Variants in NEMP1 observed in about 807,000 individuals in gnomAD.
NEMP1 encodes transmembrane protein 194.
NEMP1 carries 29 observed loss-of-function variants against 53.7 expected under a neutral mutation model. That is an observed-to-expected ratio of 0.54 (90% CI 0.40 to 0.74). The LOEUF (loss-of-function observed/expected upper bound fraction) is 0.74, where lower values mean the gene tolerates loss of function less well. Ranked by LOEUF, NEMP1 falls within the 30% of genes least tolerant of loss-of-function variation. NEMP1 has a pLI of 0.00. For synonymous variants in NEMP1, 193 were observed against 192.9 expected (o/e 1.00, Z 0.00); for missense variants, 477 against 528.6 (o/e 0.90, Z 0.96).
chr12:57,067,759 C>T (rs1413957599), intron 4 of NEMP1, among the ~76,000 whole-genome samples: 20 of 152,224 alleles, frequency 1.3e-4, no homozygotes, highest in Non-Finnish European at 2.4e-4. Context: ...TACGTAATGT[C>T]CTATTCACAT....
intron 1 of NEMP1, among the ~76,000 whole-genome samples, chr12:57,075,669 A>AC (rs1310992853): frequency 2.6e-5 from 4 of 151,412 alleles, no homozygotes; most frequent in African/African-American, 4.8e-5. Flanking sequence ...ACAAAAAAAA[A>AC]AAGAAAAAAA....
At chr12:57,066,926 C>T (rs1329710298) in intron 4 of NEMP1, among the ~76,000 whole-genome samples, 1 of 152,242 alleles carries the variant, frequency 6.6e-6, no homozygotes, top group Non-Finnish European at 1.5e-5. Flanking sequence ...CTTTTGCATT[C>T]TGCCATGATT....
chr12:57,075,981 G>A (rs1170737741), intron 1 of NEMP1, among the ~76,000 whole-genome samples: 1 of 152,160 alleles, frequency 6.6e-6, no homozygotes, highest in Non-Finnish European at 1.5e-5. Flanking sequence ...GCACACACCT[G>A]TAATCCCAGC....
At chr12:57,074,441 G>A (rs1328792841) in intron 1 of NEMP1, among the ~76,000 whole-genome samples, 2 of 152,002 alleles carry the variant, frequency 1.3e-5, no homozygotes, top group Admixed American at 6.6e-5. Flanking sequence ...ACAGGCATGA[G>A]CCAACTCAAT....
chr12:57,073,541 G>C (rs1387598299), intron 1 of NEMP1, among the ~76,000 whole-genome samples: 1 of 152,106 alleles, frequency 6.6e-6, no homozygotes, highest in Non-Finnish European at 1.5e-5. Context: ...CTACTCGAGA[G>C]GCTGAGGCAG....
rs745386326 is a variant in NEMP1 at position 57,076,804 on chromosome 12, C to CA, written c.127+1814dup. Reference sequence around the variant, plus strand: ...AGGCAACGAGGGCGAAACTCTGTCTCAAAAAAAAAAAAATTAGCCGAGTGT... The same window carrying CA: ...AGGCAACGAGGGCGAAACTCTGTCTCAAAAAAAAAAAAAATTAGCCGAGTGT... On this transcript the variant is annotated intron_variant, in intron 1 of 8. Transcript: ENST00000300128. 3.8e-3 allele frequency among the ~76,000 whole-genome samples: 516 copies of CA among 134,244 alleles called. 4 individuals carry two copies. Among genetic ancestry groups the CA allele is most frequent in the African/African-American group, 0.011 (411 of 36,358 alleles). The allele number at this position is 134,244 out of a possible 152,430, so 88.1% of individuals were successfully genotyped here. A position where few individuals can be genotyped will look rare whatever the true frequency, so the allele number is the denominator to read the frequency against.
rs553501889 is a variant in NEMP1, at chr12:57,055,789, TCAAA to T, written c.*4086_*4089del. On this transcript the variant is annotated 3_prime_UTR_variant, in exon 9 of 9. Coordinates refer to ENST00000300128, the MANE Select transcript of NEMP1 (RefSeq NM_001130963.2). ...GCCATCCCTGATAATTTTGTTCCTT[TCAAA>T]CATTCATGAACATTTAAATAAAATT... 1.8e-4 allele frequency: 27 copies of T among 152,328 alleles called. No individual in the cohort carries two copies. The East Asian group carries it at 5.2e-3, about 29-fold the overall frequency. 9.4% of individuals were successfully genotyped at this position (152,328 alleles called of 1,614,324 possible).
At chr12:57,071,343 TATA>T (rs2032336546) in intron 2 of NEMP1, among the ~76,000 whole-genome samples, 1 of 152,196 alleles carries the variant, frequency 6.6e-6, no homozygotes, top group African/African-American at 2.4e-5. Flanking sequence ...AAATGTTGGT[TATA>T]ATGTGCCCCA....
upstream of NEMP1, among the ~76,000 whole-genome samples, chr12:57,080,244 G>A (rs117558654): frequency 0.01 from 1,593 of 152,228 alleles, 13 homozygotes; most frequent in Admixed American, 0.018. Context: ...GAAATTACAG[G>A]AGTAAGCTAC....
intron 1 of NEMP1, among the ~76,000 whole-genome samples, chr12:57,077,671 T>C (rs1442657437): frequency 1.3e-5 from 2 of 152,194 alleles, no homozygotes; most frequent in African/African-American, 4.8e-5. Flanking sequence ...ATTAAAAATA[T>C]GTGGAAAAAG....
intron 1 of NEMP1, among the ~76,000 whole-genome samples, chr12:57,084,031 C>T (rs1359901527): frequency 2.6e-5 from 4 of 152,064 alleles, no homozygotes; most frequent in Non-Finnish European, 1.5e-5. Context: ...GGCGCGATCT[C>T]GGCTCACTGC....
chr12:57,078,627 T>C lies in NEMP1; in HGVS notation c.119A>G (p.Tyr40Cys). The change falls in exon 1 of 9, where the codon TAC (tyrosine) becomes TGC (cysteine). Residue 40 changes from tyrosine to cysteine, a missense_variant. Transcript: ENST00000300128. ...TGCTGCCCGGGCGGTACCTGTGCCG[T>C]AGACCAAGCAGCCGGAGAGGATCAA... ...LLLILSGCLV[Y>C]GTAETDVNVV... The C allele has an allele frequency of 6.2e-7, 1 of 1,611,894 alleles. No homozygotes were observed.
chr12:57,067,738 T>A (rs1337798088), intron 4 of NEMP1, among the ~76,000 whole-genome samples: 3 of 152,190 alleles, frequency 2.0e-5, no homozygotes, highest in East Asian at 3.8e-4. Context: ...TATTTCCCAA[T>A]AATCAGCCTT....
Position 57,060,035 on chromosome 12 carries a change from A to G in NEMP1, c.1179T>C (p.Ser393=). Residue 393 remains serine (S), a synonymous_variant, in exon 9 of 9, where the codon TCT becomes TCC. Coordinates refer to ENST00000300128, the MANE Select transcript of NEMP1 (RefSeq NM_001130963.2). The stretch of plus-strand genomic sequence containing the variant: ...AAACTTCATTTGGCGTGAGGTGGGA[A>G]GAGCCTTCCACAAAGTCAGCAAATC... ...PKRFADFVEG[S]SHLTPNEVSV... is the part of the protein sequence containing the mutation. 1.2e-6 allele frequency: 2 copies of G among 1,613,990 alleles called. No homozygotes were observed. The highest frequency in any genetic ancestry group is 1.7e-5 in the Admixed American group (1 of 60,006).
intron 1 of NEMP1, among the ~76,000 whole-genome samples, chr12:57,074,219 T>C (rs747732074): frequency 5.3e-5 from 8 of 151,644 alleles, no homozygotes; most frequent in Non-Finnish European, 8.8e-5. Flanking sequence ...TCCTCCCACA[T>C]TGGCCTCCCA....
rs778465232 is a variant in NEMP1, at chr12:57,064,106, T to C, written c.719A>G (p.Gln240Arg). 2 of 1,610,614 alleles carry C rather than the reference T, an allele frequency of 1.2e-6. No individual in the cohort carries two copies. The highest frequency in any genetic ancestry group is 1.7e-6 in the Non-Finnish European group (2 of 1,178,658). ...YLIQLVFKNL[Q>R]EIWRCYWQYL... is the part of the protein sequence containing the mutation. ...CTGCCAGTAACACCTCCAGATCTCT[T>C]GTAAATTTTTAAAAACTAGTTGAAT... The change falls in exon 6 of 9, where the codon CAA becomes CGA. Residue 240 changes from glutamine (Q) to arginine (R), a missense_variant. By Grantham distance (43) the Gln-to-Arg change is conservative. Transcript: ENST00000300128.
chr12:57,072,982 G>A, intron 1 of NEMP1, 70 bp from the exon 2 acceptor site: 4 of 1,382,866 alleles, frequency 2.9e-6, no homozygotes, highest in East Asian at 5.0e-5. Context: ...TCATGAAAAA[G>A]ATTAAACTAA....
At chr12:57,068,232 G>A (rs2032186966) in intron 4 of NEMP1, among the ~76,000 whole-genome samples, 1 of 151,686 alleles carries the variant, frequency 6.6e-6, no homozygotes, top group Non-Finnish European at 1.5e-5. Flanking sequence ...CAAACTTAAT[G>A]TTGATTTTAC....
chr12:57,068,146 C>G (rs1323507743), intron 4 of NEMP1, among the ~76,000 whole-genome samples: 2 of 152,132 alleles, frequency 1.3e-5, no homozygotes, highest in South Asian at 2.1e-4. Flanking sequence ...CTTCCAGCAA[C>G]CCCACTCCAG....
Sources: gnomAD v4.1 joint callset for allele counts (sites outside exome capture counted in the v4.1 genomes callset) on GRCh38, gnomAD v4.1.1 for gene constraint, MANE v1.5 for transcripts, NCBI Gene and HGNC (gene_info 2026-07-23, HGNC 2026-07-21) for gene names.